Variants in SHH observed in about 807,000 individuals in gnomAD.
SHH encodes sonic hedgehog signaling molecule.
A neutral mutation model predicts 16.6 loss-of-function variants in SHH; 3 were observed. That is an observed-to-expected ratio of 0.18 (90% CI 0.08 to 0.47). The LOEUF is 0.47. Among genes scored for constraint, SHH ranks in the 20% least tolerant of loss-of-function variants. The probability of loss-of-function intolerance (pLI) is 0.98; values close to 1 mark genes in which losing one functional copy is unlikely to be tolerated. For missense variants in SHH, 499 were observed against 665.0 expected, an observed-to-expected ratio of 0.75 and a Z score of 2.75; for synonymous variants, 351 against 316.2, an observed-to-expected ratio of 1.11 and a Z score of -1.17.
At chr7:155,811,488 C>T (rs905256232) in intron 1 of SHH, among the ~76,000 whole-genome samples, 2 of 152,196 alleles carry the variant, frequency 1.3e-5, no homozygotes, top group Admixed American at 6.5e-5. Context: ...AGGGCCGACG[C>T]CCCCAAAGTG....
Position 155,802,079 on chromosome 7 carries a change from AAAAAAAAAAAAAAAAAAAAAAG to A in SHH, c.*799_*820del, listed in dbSNP as rs1803194071. 1 of 30,396 alleles carries A rather than the reference AAAAAAAAAAAAAAAAAAAAAAG, an allele frequency of 3.3e-5. No individual in the cohort carries two copies. The highest frequency in any genetic ancestry group is 7.2e-5 in the African/African-American group (1 of 13,928). 1.9% of individuals were successfully genotyped at this position (30,396 alleles called of 1,614,324 possible). On this transcript the variant is annotated 3_prime_UTR_variant, in exon 3 of 3. Transcript: ENST00000297261. ...ATAACAGTTCTTCCAGTTTGTCCAA[AAAAAAAAAAAAAAAAAAAAAAG>A]AAAAGAAAAGAAAAAGAAAAGTGTG...
chr7:155,800,893 C>T lies in SHH; in HGVS notation c.*2007G>A. 9.9e-6 allele frequency: 3 copies of T among 304,410 alleles called. No individual in the cohort carries two copies. Among genetic ancestry groups the T allele is most frequent in the South Asian group, 2.8e-5 (1 of 35,430 alleles). 18.9% of individuals were successfully genotyped at this position (304,410 alleles called of 1,614,324 possible). A position where few individuals can be genotyped will look rare whatever the true frequency, so the allele number is the denominator to read the frequency against. On this transcript the variant is annotated 3_prime_UTR_variant, in exon 3 of 3. Coordinates refer to ENST00000297261, the MANE Select transcript of SHH (RefSeq NM_000193.4). ...TTCACTCCTGTTCCCTAAGCCTGGA[C>T]CACCTTCTACACAGGCTGCAGCTGC... is the stretch of plus-strand genomic sequence containing the variant.
rs145796320 is a variant in SHH, at chr7:155,800,656, C to T, written c.*2244G>A. The T allele has an allele frequency of 2.1e-6, 1 of 470,584 alleles. No homozygotes were observed. The highest frequency in any genetic ancestry group is 4.4e-6 in the Non-Finnish European group (1 of 227,022). The allele number at this position is 470,584 out of a possible 1,614,324, so 29.2% of individuals were successfully genotyped here. A position where few individuals can be genotyped will look rare whatever the true frequency, so the allele number is the denominator to read the frequency against. ...CGAGATTGTAAACACCAGCCTGGAA[C>T]CTGCTGACCACCTAGAACACCAAAG... On this transcript the variant is annotated 3_prime_UTR_variant, in exon 3 of 3. Coordinates refer to ENST00000297261, the MANE Select transcript of SHH (RefSeq NM_000193.4).
In SHH at chr7:155,803,647, C is replaced by A. The variant is rs750544127; in HGVS notation, c.642G>T (p.Leu214=). 6 of 1,597,914 alleles carry A rather than the reference C, an allele frequency of 3.8e-6. No individual in the cohort carries two copies. In the East Asian group the frequency reaches 1.1e-4, roughly 30 times the overall value. Reference sequence around the variant, plus strand: ...GGTCCCCGGGGCTCAGGTCCTTCACCAGCTTGGTGCCGCCCTGCTCCAGGT... The same window carrying A: ...GGTCCCCGGGGCTCAGGTCCTTCACAAGCTTGGTGCCGCCCTGCTCCAGGT... The part of the protein sequence containing the change: ...TVHLEQGGTK[L]VKDLSPGDRV... The change falls in exon 3 of 3, where the codon CTG becomes CTT. Residue 214 remains leucine, a synonymous_variant. Coordinates refer to ENST00000297261, the MANE Select transcript of SHH (RefSeq NM_000193.4).
rs1477381926 is a variant in SHH, at chr7:155,800,591, G to C, written c.*2309C>G. The stretch of plus-strand genomic sequence containing the variant: ...TTCGCTTTCGACTGACTTGAAATCA[G>C]ACTGAACTGTCAAAAGAACAGAAAC... On this transcript the variant is annotated 3_prime_UTR_variant, in exon 3 of 3. Coordinates refer to ENST00000297261, the MANE Select transcript of SHH (RefSeq NM_000193.4). The C allele has an allele frequency of 2.1e-6, 1 of 470,894 alleles. No individual in the cohort carries two copies. The allele number at this position is 470,894 out of a possible 1,614,324, so 29.2% of individuals were successfully genotyped here.
Position 155,802,860 on chromosome 7 carries a change from G to GCCCCCCCCCCCCCCCCCC in SHH, c.*39_*40insGGGGGGGGGGGGGGGGGG. The stretch of plus-strand genomic sequence containing the variant: ...TGCTTTGCGTTGCTGTTGCTGCCCC[G>GCCCCCCCCCCCCCCCCCC]CCCCGCCCCCTCCCGCGCCCCTCCC... On this transcript the variant is annotated 3_prime_UTR_variant, in exon 3 of 3. Coordinates refer to ENST00000297261, the MANE Select transcript of SHH (RefSeq NM_000193.4). 2 of 313,080 alleles carry GCCCCCCCCCCCCCCCCCC rather than the reference G, an allele frequency of 6.4e-6. No homozygotes were observed. Among genetic ancestry groups the GCCCCCCCCCCCCCCCCCC allele is most frequent in the Non-Finnish European group, 1.1e-5 (2 of 180,422 alleles). 19.4% of individuals were successfully genotyped at this position (313,080 alleles called of 1,614,324 possible). A position where few individuals can be genotyped will look rare whatever the true frequency, so the allele number is the denominator to read the frequency against.
rs930837347 is a variant in SHH at position 155,800,166 on chromosome 7, G to A, written c.*2734C>T. ...CGTCAACCCTGAATGAGAAGTCGGCGCCTCGTCCTGGCGGGGCTGGGCTGC... is the reference window on the plus strand; with the variant it reads ...CGTCAACCCTGAATGAGAAGTCGGCACCTCGTCCTGGCGGGGCTGGGCTGC... On this transcript the variant is annotated 3_prime_UTR_variant, in exon 3 of 3. Transcript: ENST00000297261. The A allele has an allele frequency of 1.1e-5, 5 of 471,216 alleles. No homozygotes were observed. The highest frequency in any genetic ancestry group is 4.0e-5 in the African/African-American group (2 of 50,082). The allele number at this position is 471,216 out of a possible 1,614,324, so 29.2% of individuals were successfully genotyped here. A position where few individuals can be genotyped will look rare whatever the true frequency, so the allele number is the denominator to read the frequency against.
In SHH at chr7:155,800,370, C is replaced by T. The variant is rs1803153125; in HGVS notation, c.*2530G>A. On this transcript the variant is annotated 3_prime_UTR_variant, in exon 3 of 3. Transcript: ENST00000297261. ...ACCGGGCCTGTCCAGGAGGGAGTGC[C>T]ACCCAGGAGTGAGGATTTCCCATCC... 4 of 391,700 alleles carry T rather than the reference C, an allele frequency of 1.0e-5. No homozygotes were observed. Among genetic ancestry groups the T allele is most frequent in the Admixed American group, 5.9e-5 (2 of 34,184 alleles). 24.3% of individuals were successfully genotyped at this position (391,700 alleles called of 1,614,324 possible).
Position 155,811,889 on chromosome 7 carries a change from G to T in SHH, c.234C>A (p.Pro78=). The change falls in exon 1 of 3, where the codon CCC becomes CCA. Residue 78 remains proline (P), a synonymous_variant. Coordinates refer to ENST00000297261, the MANE Select transcript of SHH (RefSeq NM_000193.4). ...RNSERFKELT[P]NYNPDIIFKD... ...TAAATATGATGTCGGGGTTGTAATT[G>T]GGGGTGAGTTCCTTAAATCGCTCGG... The T allele has an allele frequency of 6.2e-7, 1 of 1,614,140 alleles. No homozygotes were observed. The highest frequency in any genetic ancestry group is 1.1e-5 in the South Asian group (1 of 91,076).
intron 1 of SHH, among the ~76,000 whole-genome samples, chr7:155,808,375 G>A (rs1303041879): frequency 2.6e-5 from 4 of 152,246 alleles, no homozygotes; most frequent in East Asian, 3.9e-4. Flanking sequence ...TGCCGAAGAA[G>A]CTTTAAACAG....
chr7:155,812,180 C>A lies in SHH; in HGVS notation c.-58G>T. ...CCCCGTGCGGGTCCGTGCGCGAGTG[C>A]GCGCGGCGGGTGTGTGCGTGTGCGC... On this transcript the variant is annotated 5_prime_UTR_variant, in exon 1 of 3. Transcript: ENST00000297261. The A allele has an allele frequency of 6.4e-7, 1 of 1,564,738 alleles. No homozygotes were observed. Among genetic ancestry groups the A allele is most frequent in the Non-Finnish European group, 8.8e-7 (1 of 1,136,328 alleles).
At chr7:155,810,530 TC>T (rs1255677030) in intron 1 of SHH, among the ~76,000 whole-genome samples, 1 of 152,170 alleles carries the variant, frequency 6.6e-6, no homozygotes, top group Non-Finnish European at 1.5e-5. Context: ...GGCGCGCGCG[TC>T]CACACTCGCG....
chr7:155,800,574 C>T lies in SHH; in HGVS notation c.*2326G>A, dbSNP rs1029453320. On this transcript the variant is annotated 3_prime_UTR_variant, in exon 3 of 3. Transcript: ENST00000297261. Reference sequence around the variant, plus strand: ...GTGCCCGGTGCTTCTGGTTCGCTTTCGACTGACTTGAAATCAGACTGAACT... The same window carrying T: ...GTGCCCGGTGCTTCTGGTTCGCTTTTGACTGACTTGAAATCAGACTGAACT... 2.1e-5 allele frequency: 10 copies of T among 470,766 alleles called. No homozygotes were observed. The highest frequency in any genetic ancestry group is 3.1e-5 in the South Asian group (2 of 64,578). The allele number at this position is 470,766 out of a possible 1,614,324, so 29.2% of individuals were successfully genotyped here.
chr7:155,808,657 G>C (rs1314400638), intron 1 of SHH, among the ~76,000 whole-genome samples: 1 of 152,176 alleles, frequency 6.6e-6, no homozygotes, highest in Non-Finnish European at 1.5e-5. Context: ...CGGGATTGTC[G>C]CAGGCAAAGC....
In SHH at chr7:155,812,273, C is replaced by A; in HGVS notation, c.-151G>T. 1 of 750,468 alleles carries A rather than the reference C, an allele frequency of 1.3e-6. No homozygotes were observed. The highest frequency in any genetic ancestry group is 2.3e-6 in the Non-Finnish European group (1 of 433,558). 46.5% of individuals were successfully genotyped at this position (750,468 alleles called of 1,614,324 possible). ...GCTCTCTCCCTCGCTGGCTGCCTCGCTCTTTCTCTTCCTATATAACCTTGC... is the reference window on the plus strand; with the variant it reads ...GCTCTCTCCCTCGCTGGCTGCCTCGATCTTTCTCTTCCTATATAACCTTGC... On this transcript the variant is annotated 5_prime_UTR_variant, in exon 1 of 3. Coordinates refer to ENST00000297261, the MANE Select transcript of SHH (RefSeq NM_000193.4).
intron 1 of SHH, among the ~76,000 whole-genome samples, chr7:155,811,224 G>A (rs1036331593): frequency 2.0e-4 from 30 of 152,248 alleles, no homozygotes; most frequent in African/African-American, 7.0e-4. Context: ...AGGGACGGGC[G>A]GAGTCTCCCC....
rs769705330 is a variant in SHH at position 155,803,214 on chromosome 7, C to T, written c.1075G>A (p.Val359Met). Residue 359 changes from valine (V) to methionine (M), a missense_variant, in exon 3 of 3, where the codon GTG (valine) becomes ATG (methionine). Val to Met is a conservative substitution (Grantham distance 21). Coordinates refer to ENST00000297261, the MANE Select transcript of SHH (RefSeq NM_000193.4). Reference sequence around the variant, plus strand: ...ATGACCGCGTAGCACGAGGCCAGCACCCGGTTGATGAGAATGGTGCCCTGG... The same window carrying T: ...ATGACCGCGTAGCACGAGGCCAGCATCCGGTTGATGAGAATGGTGCCCTGG... ...TAQGTILINR[V>M]LASCYAVIEE... 5 of 1,511,034 alleles carry T rather than the reference C, an allele frequency of 3.3e-6. No homozygotes were observed. The highest frequency in any genetic ancestry group is 2.9e-5 in the African/African-American group (2 of 69,770). 93.6% of individuals were successfully genotyped at this position (1,511,034 alleles called of 1,614,324 possible).
chr7:155,804,830 G>C (rs1408398544), intron 2 of SHH, among the ~76,000 whole-genome samples: 1 of 151,998 alleles, frequency 6.6e-6, no homozygotes, highest in Non-Finnish European at 1.5e-5. Context: ...TCCAATCTCC[G>C]GGATCATGCT....
Position 155,802,868 on chromosome 7 carries a change from C to CCCCCCA in SHH, c.*31_*32insTGGGGG. The CCCCCCA allele has an allele frequency of 1.4e-6, 1 of 718,764 alleles. No homozygotes were observed. 44.5% of individuals were successfully genotyped at this position (718,764 alleles called of 1,614,324 possible). On this transcript the variant is annotated 3_prime_UTR_variant, in exon 3 of 3. Coordinates refer to ENST00000297261, the MANE Select transcript of SHH (RefSeq NM_000193.4). The stretch of plus-strand genomic sequence containing the variant: ...GTTGCTGTTGCTGCCCCGCCCCGCC[C>CCCCCCA]CCTCCCGCGCCCCTCCCCCGGCCCC...
Sources: gnomAD v4.1 joint callset for allele counts (sites outside exome capture counted in the v4.1 genomes callset) on GRCh38, gnomAD v4.1.1 for gene constraint, MANE v1.5 for transcripts, NCBI Gene and HGNC (gene_info 2026-07-23, HGNC 2026-07-21) for gene names.